Variants in GFRA1 observed in about 807,000 individuals in gnomAD.
GFRA1 encodes the protein GDNF family receptor alpha 1.
In GFRA1, 16 loss-of-function variants were observed where a neutral mutation model predicts 51.6. That is an observed-to-expected ratio of 0.31 (90% confidence interval 0.21 to 0.47). The LOEUF (loss-of-function observed/expected upper bound fraction) is 0.47, where lower values mean the gene tolerates loss of function less well. Ranked by LOEUF, GFRA1 falls within the 20% of genes least tolerant of loss-of-function variation. The probability of loss-of-function intolerance (pLI) is 1.00; values close to 1 mark genes in which losing one functional copy is unlikely to be tolerated. For synonymous variants in GFRA1, 270 were observed against 241.3 expected (o/e 1.12, Z -1.10); for missense variants, 530 against 594.3 (o/e 0.89, Z 1.13).
At chr10:116,084,971 G>A (rs1450299482) in intron 9 of GFRA1, among the ~76,000 whole-genome samples, 2 of 152,186 alleles carry the variant, frequency 1.3e-5, no homozygotes, top group Non-Finnish European at 2.9e-5. Context: ...AGCACAGCCT[G>A]TGCCATGCTT....
At chr10:116,180,498 A>G (rs1962105559) in intron 5 of GFRA1, among the ~76,000 whole-genome samples, 1 of 152,236 alleles carries the variant, frequency 6.6e-6, no homozygotes, top group Admixed American at 6.5e-5. Context: ...GTAACAGAGT[A>G]ACAAATAACA....
intron 5 of GFRA1, among the ~76,000 whole-genome samples, chr10:116,186,873 A>G (rs188135753): frequency 2.7e-4 from 41 of 152,300 alleles, no homozygotes; most frequent in African/African-American, 9.4e-4. Flanking sequence ...CGAGCTTGAA[A>G]GCAAACTTCA....
intron 4 of GFRA1, chr10:116,226,681 C>G (rs952109220): frequency 8.2e-6 from 2 of 244,028 alleles, no homozygotes; most frequent in Non-Finnish European, 1.8e-5. Flanking sequence ...TTATTGTGCA[C>G]TTTATTTCTA....
At chr10:116,210,853 TACAA>T (rs146954487) in intron 5 of GFRA1, among the ~76,000 whole-genome samples, 3,686 of 152,308 alleles carry the variant, frequency 0.024, 91 homozygotes, top group African/African-American at 0.067. Context: ...CCAGCTTGAC[TACAA>T]ACAGTGATGC....
At chr10:116,088,150 C>T (rs1002989163) in intron 9 of GFRA1, among the ~76,000 whole-genome samples, 6 of 151,956 alleles carry the variant, frequency 3.9e-5, no homozygotes, top group Non-Finnish European at 7.4e-5. Context: ...GTGGAGGACA[C>T]CCAAGATGAA....
At chr10:116,271,324 A>T (rs987294910) in intron 2 of GFRA1, among the ~76,000 whole-genome samples, 1 of 151,770 alleles carries the variant, frequency 6.6e-6, no homozygotes, top group African/African-American at 2.4e-5. Context: ...CCGGGCCCGC[A>T]AGGAAGAGTG....
chr10:116,123,161 G>C (rs1228749714), intron 6 of GFRA1, among the ~76,000 whole-genome samples: 1 of 152,142 alleles, frequency 6.6e-6, no homozygotes, highest in African/African-American at 2.4e-5. Flanking sequence ...CTAATTGATT[G>C]GCTTCCCCAG....
intron 9 of GFRA1, among the ~76,000 whole-genome samples, chr10:116,068,898 C>T (rs552149464): frequency 5.3e-5 from 8 of 152,246 alleles, no homozygotes; most frequent in East Asian, 1.9e-4. Flanking sequence ...CAAATTGGGA[C>T]GTCCCAGGAA....
At chr10:116,122,841 C>T (rs922195730) in intron 6 of GFRA1, among the ~76,000 whole-genome samples, 1 of 152,164 alleles carries the variant, frequency 6.6e-6, no homozygotes, top group African/African-American at 2.4e-5. Flanking sequence ...ATACAGCTTC[C>T]CATCTTGAGG....
intron 5 of GFRA1, among the ~76,000 whole-genome samples, chr10:116,191,981 C>G (rs567270808): frequency 2.6e-5 from 4 of 152,136 alleles, no homozygotes; most frequent in Non-Finnish European, 5.9e-5. Context: ...GAGCCGAGAT[C>G]GCGCCATTGC....
At chr10:116,118,098 C>A (rs767074831) in intron 6 of GFRA1, among the ~76,000 whole-genome samples, 5 of 152,186 alleles carry the variant, frequency 3.3e-5, no homozygotes, top group Non-Finnish European at 7.3e-5. Context: ...ATGATTGTAA[C>A]CCCACCCCTA....
chr10:116,259,733 A>G (rs1969160745), intron 4 of GFRA1, among the ~76,000 whole-genome samples: 1 of 152,216 alleles, frequency 6.6e-6, no homozygotes, highest in Non-Finnish European at 1.5e-5. Context: ...CATCACTAAC[A>G]GTAGAAAGAA....
At chr10:116,065,534 T>A in intron 10 of GFRA1, 39 bp downstream of exon 10, 1 of 1,553,134 alleles carries the variant, frequency 6.4e-7, no homozygotes, top group Non-Finnish European at 8.9e-7. Flanking sequence ...AGGCTATGTT[T>A]CTATAAATGC....
intron 4 of GFRA1, among the ~76,000 whole-genome samples, chr10:116,219,630 C>T (rs1965789005): frequency 6.6e-6 from 1 of 152,170 alleles, no homozygotes; most frequent in African/African-American, 2.4e-5. Flanking sequence ...ACAAAAGAAG[C>T]TGACAAGTAA....
At chr10:116,220,352 A>G (rs1379110410) in intron 4 of GFRA1, among the ~76,000 whole-genome samples, 1 of 152,218 alleles carries the variant, frequency 6.6e-6, no homozygotes, top group East Asian at 1.9e-4. Flanking sequence ...AAGTCAAATG[A>G]TACATTTTAT....
At chr10:116,178,900 G>A (rs1352294047) in intron 5 of GFRA1, among the ~76,000 whole-genome samples, 1 of 152,150 alleles carries the variant, frequency 6.6e-6, no homozygotes, top group African/African-American at 2.4e-5. Flanking sequence ...TGAAGGTCTG[G>A]TGTGCATCGA....
intron 4 of GFRA1, among the ~76,000 whole-genome samples, chr10:116,223,957 C>T (rs1203323558): frequency 6.6e-6 from 1 of 152,152 alleles, no homozygotes; most frequent in Non-Finnish European, 1.5e-5. Flanking sequence ...TTTCTTCAAG[C>T]ATCACAGTTG....
intron 4 of GFRA1, among the ~76,000 whole-genome samples, chr10:116,214,832 G>A (rs902448725): frequency 3.9e-5 from 6 of 152,134 alleles, no homozygotes; most frequent in Admixed American, 2.6e-4. Flanking sequence ...ATGGAAATTC[G>A]GGCAGGGATT....
At chr10:116,194,066 T>TAAAAA (rs1051845471) in intron 5 of GFRA1, among the ~76,000 whole-genome samples, 14 of 26,982 alleles carry the variant, frequency 5.2e-4, no homozygotes, top group East Asian at 8.0e-3. Flanking sequence ...AAATAAAATT[T>TAAAAA]AAAAAAAAAA....
Sources: allele counts gnomAD v4.1 joint callset (sites outside exome capture counted in the v4.1 genomes callset), GRCh38; gene constraint gnomAD v4.1.1; transcripts MANE v1.5; gene names NCBI Gene and HGNC (gene_info 2026-07-23, HGNC 2026-07-21).